Variants in KIAA0319L observed in about 807,000 individuals in gnomAD.
KIAA0319L encodes the protein dyslexia-associated protein KIAA0319-like protein.
A neutral mutation model predicts 120.1 loss-of-function variants in KIAA0319L; 55 were observed. That is an observed-to-expected ratio of 0.46 (90% CI 0.37 to 0.57). The LOEUF is 0.57. Among genes scored for constraint, KIAA0319L ranks in the 20% least tolerant of loss-of-function variants. The probability of loss-of-function intolerance (pLI) is 0.00; values close to 1 mark genes in which losing one functional copy is unlikely to be tolerated. For synonymous variants in KIAA0319L, 398 were observed against 471.9 expected (o/e 0.84, Z 2.03); for missense variants, 1,049 against 1,255.3 (o/e 0.84, Z 2.48).
intron 3 of KIAA0319L, among the ~76,000 whole-genome samples, chr1:35,503,151 CCT>C (rs371637332): frequency 1.7e-4 from 26 of 152,308 alleles, no homozygotes; most frequent in African/African-American, 5.8e-4. Context: ...TCTACCTCTA[CCT>C]CTGTTTCTAC....
rs778666240 is a variant in KIAA0319L at position 35,554,372 on chromosome 1, G to A, written c.120C>T (p.Phe40=). 2 of 1,604,246 alleles carry A rather than the reference G, an allele frequency of 1.2e-6. No homozygotes were observed. The highest frequency in any genetic ancestry group is 2.7e-5 in the African/African-American group (2 of 74,348). Residue 40 remains phenylalanine (F), a synonymous_variant, in exon 2 of 21, where the codon TTC becomes TTT. Coordinates refer to ENST00000325722, the MANE Select transcript of KIAA0319L (RefSeq NM_024874.5). ...SLYLFYTCFC[F]SVLWLSTDAS... is the part of the protein sequence containing the mutation. Reference sequence around the variant, plus strand: ...TACCTGTTGACAACCACAGAACGCTGAAGCAAAAGCAAGTATAAAACAGGT... The same window carrying A: ...TACCTGTTGACAACCACAGAACGCTAAAGCAAAAGCAAGTATAAAACAGGT...
Position 35,524,539 on chromosome 1 carries a change from C to A in KIAA0319L, c.143-17404G>T, listed in dbSNP as rs1646046302. ...TCATACAGAATGTCCCCAACTCTCC[C>A]TACTTGACTGTACCTCTTGACTGTT... On this transcript the variant is annotated intron_variant, in intron 2 of 20. Coordinates refer to ENST00000325722, the MANE Select transcript of KIAA0319L (RefSeq NM_024874.5). 2.6e-5 allele frequency among the ~76,000 whole-genome samples: 4 copies of A among 152,184 alleles called. No homozygotes were observed. In the South Asian group the frequency reaches 8.3e-4, roughly 31 times the overall value.
At position 35,466,615 on chromosome 1, in the gene KIAA0319L, G is replaced by GACTGTC; in HGVS notation, c.1188_1193dup (p.Thr397_Val398dup). On this transcript the variant is annotated inframe_insertion, in exon 7 of 21. Coordinates refer to ENST00000325722, the MANE Select transcript of KIAA0319L (RefSeq NM_024874.5). ...CCAGGGCTGAAAACATACCTGGCTT[G>GACTGTC]ACTGTCACGTTCACATAGCCTTCCC... The GACTGTC allele has an allele frequency of 6.2e-7, 1 of 1,611,306 alleles. No individual in the cohort carries two copies. The highest frequency in any genetic ancestry group is 8.5e-7 in the Non-Finnish European group (1 of 1,177,606).
intron 2 of KIAA0319L, among the ~76,000 whole-genome samples, chr1:35,529,356 G>A (rs958034831): frequency 1.3e-5 from 2 of 152,224 alleles, no homozygotes; most frequent in Non-Finnish European, 2.9e-5. Context: ...ATGATAAAAT[G>A]AGTGAGTCCT....
chr1:35,497,191 T>TG (rs941037218), intron 3 of KIAA0319L, among the ~76,000 whole-genome samples: 3 of 148,958 alleles, frequency 2.0e-5, no homozygotes, highest in African/African-American at 5.0e-5. Context: ...AGGGAAGTTT[T>TG]GGGGGGGTGA....
At chr1:35,438,176 T>C (rs1436771667) in intron 20 of KIAA0319L, among the ~76,000 whole-genome samples, 1 of 152,240 alleles carries the variant, frequency 6.6e-6, no homozygotes, top group African/African-American at 2.4e-5. Flanking sequence ...AGTCAAACTT[T>C]CACAATTTGG....
chr1:35,534,475 G>A (rs536641160), intron 2 of KIAA0319L, among the ~76,000 whole-genome samples: 1 of 152,288 alleles, frequency 6.6e-6, no homozygotes, highest in Non-Finnish European at 1.5e-5. Context: ...TACTTTGCTG[G>A]TTAAGAATGC....
At chr1:35,458,401 G>A (rs1454661085) in intron 9 of KIAA0319L, among the ~76,000 whole-genome samples, 4 of 152,092 alleles carry the variant, frequency 2.6e-5, no homozygotes, top group African/African-American at 9.7e-5. Context: ...TAGGGCTGAG[G>A]AAAAAGGCTA....
chr1:35,475,579 G>A (rs563833336), intron 4 of KIAA0319L, among the ~76,000 whole-genome samples: 42 of 151,928 alleles, frequency 2.8e-4, no homozygotes, highest in African/African-American at 9.9e-4. Context: ...GGGCTCAAGC[G>A]ATCTTCCCAC....
At chr1:35,510,566 G>A (rs1436001316) in intron 2 of KIAA0319L, 2 of 151,228 alleles carry the variant, frequency 1.3e-5, no homozygotes, top group Non-Finnish European at 2.9e-5. Context: ...AAACACAGTG[G>A]AGATAAGCCT....
chr1:35,457,807 T>C (rs1042178106), intron 9 of KIAA0319L, among the ~76,000 whole-genome samples: 1 of 152,216 alleles, frequency 6.6e-6, no homozygotes, highest in Admixed American at 6.5e-5. Context: ...TTACAGCCTT[T>C]AGGAAAAAAG....
rs1264633370 is a variant in KIAA0319L, at chr1:35,460,409, C to A, written c.1323G>T (p.Gln441His). The change falls in exon 9 of 21, where the codon CAG becomes CAT. Residue 441 changes from glutamine (Q) to histidine (H), a missense_variant. Transcript: ENST00000325722. ...SQSTDDDKIV[Q>H]YHWEELKGPL... is the part of the protein sequence containing the mutation. The stretch of plus-strand genomic sequence containing the variant: ...GCCCCTTAAGTTCTTCCCAATGGTA[C>A]TGAACGATTTTATCATCATCAGTGC... 8.7e-6 allele frequency: 14 copies of A among 1,612,992 alleles called. No individual in the cohort carries two copies. The highest frequency in any genetic ancestry group is 1.2e-5 in the Non-Finnish European group (14 of 1,179,288).
chr1:35,467,477 C>T (rs961208866), intron 6 of KIAA0319L, among the ~76,000 whole-genome samples: 2 of 152,096 alleles, frequency 1.3e-5, no homozygotes, highest in African/African-American at 4.8e-5. Flanking sequence ...ACAGCTCATT[C>T]GTTTAACAAA....
chr1:35,481,963 T>A (rs1644189885), intron 3 of KIAA0319L, among the ~76,000 whole-genome samples: 1 of 151,798 alleles, frequency 6.6e-6, no homozygotes, highest in Admixed American at 6.6e-5. Flanking sequence ...TAGCTGGGAC[T>A]ACAGGCGCCC....
chr1:35,531,685 C>G (rs566956377), intron 2 of KIAA0319L, among the ~76,000 whole-genome samples: 67 of 152,146 alleles, frequency 4.4e-4, no homozygotes, highest in Admixed American at 3.3e-4. Flanking sequence ...TCTGTCTCCA[C>G]GTTGGGAAGC....
At chr1:35,482,093 G>C (rs141699146) in intron 3 of KIAA0319L, among the ~76,000 whole-genome samples, 1,648 of 152,026 alleles carry the variant, frequency 0.011, 37 homozygotes, top group African/African-American at 0.038. Context: ...CAAAGTGCTG[G>C]GATTACAGGC....
At chr1:35,470,744 G>T in intron 6 of KIAA0319L, 119 bp downstream of exon 6, 1 of 672,708 alleles carries the variant, frequency 1.5e-6, no homozygotes, top group Non-Finnish European at 2.7e-6. Context: ...ATTTTTGGAG[G>T]ATTCATTTCT....
chr1:35,442,589 G>C (rs1641305227), intron 18 of KIAA0319L, among the ~76,000 whole-genome samples: 1 of 152,214 alleles, frequency 6.6e-6, no homozygotes, highest in Admixed American at 6.5e-5. Context: ...AGCTTTAAGA[G>C]GGAAACGAGG....
At chr1:35,550,573 CATAA>C (rs762281502) in intron 2 of KIAA0319L, among the ~76,000 whole-genome samples, 3 of 152,132 alleles carry the variant, frequency 2.0e-5, no homozygotes, top group African/African-American at 4.8e-5. Flanking sequence ...CAAAAAAATA[CATAA>C]ATATTTAGTT....
Sources: gnomAD v4.1 joint callset for allele counts (sites outside exome capture counted in the v4.1 genomes callset) on GRCh38, gnomAD v4.1.1 for gene constraint, MANE v1.5 for transcripts, NCBI Gene and HGNC (gene_info 2026-07-23, HGNC 2026-07-21) for gene names.